Variants in ZWILCH observed in about 807,000 individuals in gnomAD.
ZWILCH encodes the protein protein zwilch homolog.
A neutral mutation model predicts 79.9 loss-of-function variants in ZWILCH; 74 were observed. That is an observed-to-expected ratio of 0.93 (90% confidence interval 0.77 to 1.12). The LOEUF is 1.12. Among genes scored for constraint, ZWILCH ranks in the 50% most tolerant of loss-of-function variants. The pLI, the probability that ZWILCH is intolerant of heterozygous loss-of-function variation, is 0.00. For synonymous variants in ZWILCH, 241 were observed against 228.2 expected (o/e 1.06, Z -0.51); for missense variants, 694 against 687.5 (o/e 1.01, Z -0.11).
intron 4 of ZWILCH, among the ~76,000 whole-genome samples, chr15:66,517,726 CTTTTTT>C (rs1161719182): frequency 6.9e-5 from 4 of 58,228 alleles, no homozygotes; most frequent in African/African-American, 2.2e-4. Flanking sequence ...CTTTTCTTTC[CTTTTTT>C]TTTTTTTTTT....
intron 8 of ZWILCH, among the ~76,000 whole-genome samples, chr15:66,526,132 G>A (rs1894666785): frequency 6.6e-6 from 1 of 152,026 alleles, no homozygotes; most frequent in Non-Finnish European, 1.5e-5. Context: ...GGGAAATGTT[G>A]TATTTTCTCT....
At chr15:66,544,724 T>TGTGTGTGTGTGTGTGTG (rs1555426548) in intron 17 of ZWILCH, among the ~76,000 whole-genome samples, 1,333 of 128,498 alleles carry the variant, frequency 0.01, 28 homozygotes, top group African/African-American at 0.034. Flanking sequence ...TTTTTGGTTT[T>TGTGTGTGTGTGTGTGTG]TGTGTGTGTG....
Position 66,544,719 on chromosome 15 carries a change from G to GTGTGTGTGT in ZWILCH, c.1688-1872_1688-1871insTGTGTGTGT, listed in dbSNP as rs1555426538. On this transcript the variant is annotated intron_variant, in intron 17 of 18. Transcript: ENST00000307897. The stretch of plus-strand genomic sequence containing the variant: ...TGCCTTGTTTTTTTGTTGTTTTTTT[G>GTGTGTGTGT]GTTTTTGTGTGTGTGTGTGTGTGTG... Among the ~76,000 whole-genome samples the GTGTGTGTGT allele has an allele frequency of 6.7e-5, 3 of 44,806 alleles. No individual in the cohort carries two copies. The East Asian group carries it at 4.2e-3, about 63-fold the overall frequency. The allele number at this position is 44,806 out of a possible 152,430, so 29.4% of individuals were successfully genotyped here.
intron 12 of ZWILCH, among the ~76,000 whole-genome samples, chr15:66,530,465 G>T (rs1894821430): frequency 6.6e-6 from 1 of 152,038 alleles, no homozygotes; most frequent in South Asian, 2.1e-4. Context: ...GTAAAACCCT[G>T]CCTCTACTGA....
intron 14 of ZWILCH, among the ~76,000 whole-genome samples, chr15:66,534,613 G>A (rs1431572735): frequency 6.6e-6 from 1 of 152,168 alleles, no homozygotes; most frequent in Non-Finnish European, 1.5e-5. Flanking sequence ...AATACTGTAG[G>A]TAATTGTAAC....
Position 66,549,563 on chromosome 15 carries a change from A to G in ZWILCH, c.*1239A>G, listed in dbSNP as rs945327595. ...CTCTGATCCTTTTAGACCCCATTAC[A>G]TAGGAAATGATGTCTTCTATGAAGA... On this transcript the variant is annotated 3_prime_UTR_variant, in exon 19 of 19. Transcript: ENST00000307897. 2.6e-5 allele frequency: 4 copies of G among 152,414 alleles called. No homozygotes were observed. The highest frequency in any genetic ancestry group is 9.6e-5 in the African/African-American group (4 of 41,458). The allele number at this position is 152,414 out of a possible 1,614,324, so 9.4% of individuals were successfully genotyped here.
intron 17 of ZWILCH, among the ~76,000 whole-genome samples, chr15:66,542,738 T>G (rs752802512): frequency 3.9e-5 from 6 of 152,164 alleles, no homozygotes; most frequent in Non-Finnish European, 7.4e-5. Context: ...TTGCTTGTAC[T>G]CCCAGCTACT....
At chr15:66,519,587 G>A (rs375421630) in intron 5 of ZWILCH, among the ~76,000 whole-genome samples, 7 of 152,164 alleles carry the variant, frequency 4.6e-5, no homozygotes, top group Admixed American at 2.0e-4. Flanking sequence ...CGGAGTAGCT[G>A]GGATTACAGG....
At chr15:66,507,374 C>A (rs1457413302) in intron 1 of ZWILCH, among the ~76,000 whole-genome samples, 1 of 152,170 alleles carries the variant, frequency 6.6e-6, no homozygotes, top group Non-Finnish European at 1.5e-5. Flanking sequence ...ATTCTTCCTC[C>A]ATCCATGCTC....
chr15:66,520,874 T>C (rs1255453394), intron 6 of ZWILCH, among the ~76,000 whole-genome samples, 176 bp from the exon 7 acceptor site: 1 of 152,228 alleles, frequency 6.6e-6, no homozygotes. Flanking sequence ...GTCTTACTTT[T>C]CTATTTGGGA....
rs4238406 is a variant in ZWILCH, at chr15:66,513,970, C to T, written c.106-18C>T. 1 allele frequency: 1,591,854 copies of T among 1,592,378 alleles called. 795,670 individuals are homozygous for T. The highest frequency in any genetic ancestry group is 1 in the Non-Finnish European group (1,164,520 of 1,164,542). On this transcript the variant is annotated intron_variant, in intron 2 of 18. Coordinates refer to ENST00000307897, the MANE Select transcript of ZWILCH (RefSeq NM_017975.5). ...ATATAAGTGTATGTATAATGTTGCTCGATACCTGTTTTAACAGGCTGATGT... is the reference window on the plus strand; with the variant it reads ...ATATAAGTGTATGTATAATGTTGCTTGATACCTGTTTTAACAGGCTGATGT...
At chr15:66,531,401 C>G (rs1294816347) in intron 12 of ZWILCH, among the ~76,000 whole-genome samples, 3 of 152,118 alleles carry the variant, frequency 2.0e-5, no homozygotes. Context: ...AGTTTAAACC[C>G]TTCTTAGTTG....
Position 66,506,071 on chromosome 15 carries a change from A to G in ZWILCH, c.53+680A>G, listed in dbSNP as rs1893804670. On this transcript the variant is annotated intron_variant, in intron 1 of 18. Coordinates refer to ENST00000307897, the MANE Select transcript of ZWILCH (RefSeq NM_017975.5). Reference sequence around the variant, plus strand: ...ATTTAGTAGGTCTGAGATGGGGCCAATTAATTTGCCCTCCTGATAAATGCT... The same window carrying G: ...ATTTAGTAGGTCTGAGATGGGGCCAGTTAATTTGCCCTCCTGATAAATGCT... 2.6e-5 allele frequency among the ~76,000 whole-genome samples: 4 copies of G among 152,230 alleles called. No individual in the cohort carries two copies. In the South Asian group the frequency reaches 8.3e-4, roughly 32 times the overall value.
At chr15:66,510,145 T>C (rs1893999615) in intron 2 of ZWILCH, among the ~76,000 whole-genome samples, 1 of 148,166 alleles carries the variant, frequency 6.7e-6, no homozygotes, top group Non-Finnish European at 1.5e-5. Context: ...GCCATTGTAC[T>C]CCAGCCTGGG....
In ZWILCH at chr15:66,540,543, ACT is replaced by A. The variant is rs368831058; in HGVS notation, c.1687+336_1687+337del. Among the ~76,000 whole-genome samples, 46 of 151,388 alleles carry A rather than the reference ACT, an allele frequency of 3.0e-4. 1 individual carries two copies. In the East Asian group the frequency reaches 8.2e-3, roughly 27 times the overall value. ...ACTCCAGCCTGGGCAACAGAGTGAG[ACT>A]CTGCCTCCAAAAAAAGAAAAAAGAA... On this transcript the variant is annotated intron_variant, in intron 17 of 18. Coordinates refer to ENST00000307897, the MANE Select transcript of ZWILCH (RefSeq NM_017975.5).
chr15:66,537,068 G>A, intron 15 of ZWILCH, 100 bp from the exon 16 acceptor site: 1 of 754,916 alleles, frequency 1.3e-6, no homozygotes, highest in South Asian at 1.7e-5. Context: ...TTAGTTAGTA[G>A]TACTCAATAA....
chr15:66,540,634 C>CTTTTTT (rs763324094), intron 17 of ZWILCH, among the ~76,000 whole-genome samples: 1 of 141,106 alleles, frequency 7.1e-6, no homozygotes, highest in African/African-American at 2.6e-5. Flanking sequence ...TATTTTCTTT[C>CTTTTTT]TTTTTTTTTT....
At position 66,518,845 on chromosome 15, in the gene ZWILCH, C is replaced by G. The variant is rs184098460; in HGVS notation, c.321-34C>G. On this transcript the variant is annotated intron_variant, in intron 4 of 18. Coordinates refer to ENST00000307897, the MANE Select transcript of ZWILCH (RefSeq NM_017975.5). ...AAAGAAATTCTTGAATTGGAAATCT[C>G]TATCTATAATTTGTCCTTACTCTTG... 76 of 1,572,988 alleles carry G rather than the reference C, an allele frequency of 4.8e-5. No individual in the cohort carries two copies. The African/African-American group carries it at 1.0e-3, about 21-fold the overall frequency.
rs763594625 is a variant in ZWILCH at position 66,536,014 on chromosome 15, G to A, written c.1423G>A (p.Val475Ile). Residue 475 changes from valine (V) to isoleucine (I), a missense_variant, in exon 15 of 19, where the codon GTC (valine) becomes ATC (isoleucine). Physicochemically the swap from Val to Ile is conservative, Grantham distance 29. Coordinates refer to ENST00000307897, the MANE Select transcript of ZWILCH (RefSeq NM_017975.5). ...ACTCCACCATATTCTAGAAATATTA[G>A]TCAGTTGCATGCCTTTCATTAAATC... ...QKLHHILEILVSCMPFIKSQH... is the reference protein window; with the variant it reads ...QKLHHILEILISCMPFIKSQH... 98 of 1,612,486 alleles carry A rather than the reference G, an allele frequency of 6.1e-5. No individual in the cohort carries two copies. Among genetic ancestry groups the A allele is most frequent in the Non-Finnish European group, 8.1e-5 (96 of 1,179,382 alleles).
Sources: gnomAD v4.1 joint callset for allele counts (sites outside exome capture counted in the v4.1 genomes callset) on GRCh38, gnomAD v4.1.1 for gene constraint, MANE v1.5 for transcripts, NCBI Gene and HGNC (gene_info 2026-07-23, HGNC 2026-07-21) for gene names.